Variants in TPD52 observed in about 807,000 individuals in gnomAD.
The protein encoded by TPD52 is tumor protein D52.
A neutral mutation model predicts 31.3 loss-of-function variants in TPD52; 17 were observed. That is an observed-to-expected ratio of 0.54 (90% CI 0.37 to 0.82). TPD52 has a LOEUF of 0.82. Among genes scored for constraint, TPD52 ranks in the 40% least tolerant of loss-of-function variants. TPD52 has a pLI of 0.00. For synonymous variants in TPD52, 83 were observed against 89.6 expected (o/e 0.93, Z 0.42); for missense variants, 212 against 240.1 (o/e 0.88, Z 0.77).
At chr8:80,142,530 G>A (rs1047755208) in intron 1 of TPD52, among the ~76,000 whole-genome samples, 1 of 152,122 alleles carries the variant, frequency 6.6e-6, no homozygotes, top group African/African-American at 2.4e-5. Flanking sequence ...CCAAGAGTTC[G>A]AGACCAGCCT....
chr8:80,103,493 G>A (rs1806891972), intron 1 of TPD52, among the ~76,000 whole-genome samples: 1 of 152,204 alleles, frequency 6.6e-6, no homozygotes, highest in African/African-American at 2.4e-5. Flanking sequence ...CAACTAAACT[G>A]CTGAAAATGT....
chr8:80,063,883 G>A (rs944274734), intron 2 of TPD52, among the ~76,000 whole-genome samples: 3 of 132,636 alleles, frequency 2.3e-5, no homozygotes, highest in African/African-American at 5.6e-5. Flanking sequence ...AAGAAGGGAG[G>A]GAAAGGAGAG....
intron 1 of TPD52, among the ~76,000 whole-genome samples, chr8:80,091,242 G>A (rs1383048920): frequency 4.6e-5 from 7 of 151,936 alleles, no homozygotes; most frequent in East Asian, 1.9e-4. Flanking sequence ...AGGCTGAGGC[G>A]GGCATCACAA....
intron 1 of TPD52, among the ~76,000 whole-genome samples, chr8:80,136,523 C>CAAAAAAAAAAAAAAAAAAAAAAAAAAA: frequency 1.5e-5 from 1 of 67,080 alleles, no homozygotes; most frequent in Non-Finnish European, 3.0e-5. Flanking sequence ...GACTCTGTCT[C>CAAAAAAAAAAAAAAAAAAAAAAAAAAA]AAAAAAAAAA....
chr8:80,093,674 A>G (rs1785355290), intron 1 of TPD52, among the ~76,000 whole-genome samples: 1 of 152,174 alleles, frequency 6.6e-6, no homozygotes, highest in Non-Finnish European at 1.5e-5. Flanking sequence ...GTAATAAGCT[A>G]ATTAGATGCA....
At chr8:80,031,928 A>G (rs539766728), downstream of TPD52, among the ~76,000 whole-genome samples, 1 of 152,206 alleles carries the variant, frequency 6.6e-6, no homozygotes, top group South Asian at 2.1e-4. Flanking sequence ...CAAGGAGGGC[A>G]GATCACCTGA....
chr8:80,109,164 G>A (rs888457664), intron 1 of TPD52, among the ~76,000 whole-genome samples: 1 of 152,108 alleles, frequency 6.6e-6, no homozygotes, highest in African/African-American at 2.4e-5. Flanking sequence ...GACCTTACGA[G>A]AAGAGAAGAA....
chr8:80,061,884 T>C lies in TPD52; in HGVS notation c.135+2594A>G, dbSNP rs539861099. ...TATAACTAAGGAAGTATAAGACTCG[T>C]ACATAGAAAAATGTTTTGTACATTG... On this transcript the variant is annotated intron_variant, in intron 2 of 7. Transcript: ENST00000518937. Among the ~76,000 whole-genome samples, 3 of 152,308 alleles carry C rather than the reference T, an allele frequency of 2.0e-5. No homozygotes were observed. The South Asian group carries it at 6.2e-4, about 32-fold the overall frequency.
At chr8:80,043,461 G>A (rs1197609379) in intron 6 of TPD52, among the ~76,000 whole-genome samples, 3 of 152,098 alleles carry the variant, frequency 2.0e-5, no homozygotes, top group African/African-American at 4.8e-5. Flanking sequence ...TCCTTCCCAC[G>A]GTGGTGATGG....
chr8:80,132,280 C>T (rs1809076275), intron 1 of TPD52, among the ~76,000 whole-genome samples: 1 of 152,094 alleles, frequency 6.6e-6, no homozygotes, highest in Non-Finnish European at 1.5e-5. Context: ...ACCAATCCTC[C>T]CTCCTCCACA....
intron 1 of TPD52, chr8:80,170,890 G>A: frequency 3.5e-6 from 1 of 282,322 alleles, no homozygotes; most frequent in Non-Finnish European, 6.8e-6. Context: ...TCCACAATCT[G>A]GGGGTTTCTA....
intron 1 of TPD52, among the ~76,000 whole-genome samples, chr8:80,124,520 C>T (rs1808469911): frequency 6.6e-6 from 1 of 152,152 alleles, no homozygotes. Context: ...TGGACCTAGA[C>T]ATCAGTAGTG....
chr8:80,096,734 G>A (rs1586290995), intron 1 of TPD52, among the ~76,000 whole-genome samples: 1 of 152,088 alleles, frequency 6.6e-6, no homozygotes, highest in Non-Finnish European at 1.5e-5. Flanking sequence ...AAACTCAATC[G>A]ATAAATGTTT....
At chr8:80,060,919 C>A (rs974315627) in intron 2 of TPD52, among the ~76,000 whole-genome samples, 2 of 152,106 alleles carry the variant, frequency 1.3e-5, no homozygotes, top group African/African-American at 4.8e-5. Context: ...CAGGGATACC[C>A]ATTTTTACCA....
chr8:80,171,452 C>A lies in TPD52; in HGVS notation c.-9G>T. 6.3e-7 allele frequency: 1 copy of A among 1,590,828 alleles called. No individual in the cohort carries two copies. The highest frequency in any genetic ancestry group is 8.5e-7 in the Non-Finnish European group (1 of 1,176,678). On this transcript the variant is annotated 5_prime_UTR_variant, in exon 1 of 8. Coordinates refer to ENST00000518937, the MANE Select transcript of TPD52 (RefSeq NM_001025253.3). ...TGCTCGCCGCGGTCCATGTCTCCAG[C>A]CCGCCGCCTCGTGTCCTCTGCAGCA...
intron 1 of TPD52, among the ~76,000 whole-genome samples, chr8:80,114,850 T>G (rs1459146558): frequency 6.6e-6 from 1 of 152,162 alleles, no homozygotes; most frequent in East Asian, 1.9e-4. Context: ...ATCCCTGAAT[T>G]CAGTGGCGTG....
At chr8:80,162,584 C>G (rs555635521) in intron 1 of TPD52, among the ~76,000 whole-genome samples, 2 of 151,238 alleles carry the variant, frequency 1.3e-5, no homozygotes, top group South Asian at 4.2e-4. Context: ...AATTGCATCA[C>G]TGCACTCTAG....
At chr8:80,154,151 A>G (rs767995944) in intron 1 of TPD52, among the ~76,000 whole-genome samples, 1 of 152,224 alleles carries the variant, frequency 6.6e-6, no homozygotes, top group South Asian at 2.1e-4. Flanking sequence ...CACACCTTTA[A>G]AATTCTAAAA....
At chr8:80,127,793 C>G (rs1418707874) in intron 1 of TPD52, 1 of 21,626 alleles carries the variant, frequency 4.6e-5, no homozygotes, top group Admixed American at 4.8e-4. Flanking sequence ...AATAAACACA[C>G]ACACACACAC....
Sources: allele counts gnomAD v4.1 joint callset (sites outside exome capture counted in the v4.1 genomes callset), GRCh38; gene constraint gnomAD v4.1.1; transcripts MANE v1.5; gene names NCBI Gene and HGNC (gene_info 2026-07-23, HGNC 2026-07-21).